The following EPB41L5 variants were observed in gnomAD, a reference collection of about 807,000 sequenced individuals.
The protein encoded by EPB41L5 is erythrocyte membrane protein band 4.1 like 5, also known as band 4.1-like protein 5.
EPB41L5 carries 55 observed loss-of-function variants against 106.6 expected under a neutral mutation model. The observed-to-expected ratio is 0.52, with a 90% confidence interval of 0.42 to 0.65. The LOEUF (loss-of-function observed/expected upper bound fraction) is 0.65. Among genes scored for constraint, EPB41L5 ranks in the 30% least tolerant of loss-of-function variants. The probability of loss-of-function intolerance (pLI) is 0.00; values close to 1 mark genes in which losing one functional copy is unlikely to be tolerated. For synonymous variants in EPB41L5, 297 were observed against 306.7 expected (o/e 0.97, Z 0.33); for missense variants, 871 against 882.1 (o/e 0.99, Z 0.16).
chr2:120,044,070 TTCAAGGTTGCAGTGAGCTGTGA>T (rs1374814346), intron 3 of EPB41L5, among the ~76,000 whole-genome samples: 1 of 151,096 alleles, frequency 6.6e-6, no homozygotes, highest in African/African-American at 2.4e-5. Context: ...AGCCCAGGAG[TTCAAGGTTGCAGTGAGCTGTGA>T]TCATGCCACT....
intron 16 of EPB41L5, among the ~76,000 whole-genome samples, chr2:120,117,534 A>T (rs1278347703): frequency 6.6e-6 from 1 of 152,208 alleles, no homozygotes. Context: ...GCAGAGTATG[A>T]GAGTGCTTCT....
At chr2:120,111,877 A>G (rs546694508) in intron 16 of EPB41L5, among the ~76,000 whole-genome samples, 56 of 152,058 alleles carry the variant, frequency 3.7e-4, no homozygotes, top group African/African-American at 1.3e-3. Context: ...TCTTCTATCA[A>G]TCCTGACCTT....
At chr2:120,057,060 A>G (rs949337222) in intron 3 of EPB41L5, among the ~76,000 whole-genome samples, 5 of 151,870 alleles carry the variant, frequency 3.3e-5, no homozygotes, top group Non-Finnish European at 7.4e-5. Flanking sequence ...CGCCTGGCTA[A>G]TTCTTTATTT....
intron 18 of EPB41L5, among the ~76,000 whole-genome samples, chr2:120,132,154 G>A (rs753864435): frequency 6.6e-6 from 1 of 151,898 alleles, no homozygotes; most frequent in Non-Finnish European, 1.5e-5. Context: ...TTTTTTTGTT[G>A]TAGGGTGGGG....
Position 120,064,987 on chromosome 2 carries a change from T to C in EPB41L5, c.286-8191T>C, listed in dbSNP as rs867927955. Among the ~76,000 whole-genome samples the C allele has an allele frequency of 2.6e-5, 4 of 152,348 alleles. No homozygotes were observed. The South Asian group carries it at 8.3e-4, about 32-fold the overall frequency. On this transcript the variant is annotated intron_variant, in intron 3 of 24. Transcript: ENST00000263713. ...TCACTTTAACATGTGTTTGATGCTT[T>C]ATCTGAGTTTTGGGTCATCTTAAGG... is the stretch of plus-strand genomic sequence containing the variant.
At chr2:120,154,653 G>T (rs978821025) in intron 20 of EPB41L5, among the ~76,000 whole-genome samples, 1 of 151,924 alleles carries the variant, frequency 6.6e-6, no homozygotes, top group Admixed American at 6.6e-5. Flanking sequence ...TGGGCCAGGC[G>T]TGGTGGCTCA....
chr2:120,117,184 CAA>C (rs1340543198), intron 16 of EPB41L5, among the ~76,000 whole-genome samples: 1 of 152,174 alleles, frequency 6.6e-6, no homozygotes, highest in Non-Finnish European at 1.5e-5. Context: ...CTCTAACTCC[CAA>C]GTGAGTTGCC....
intron 2 of EPB41L5, among the ~76,000 whole-genome samples, chr2:120,037,344 C>G (rs934557843): frequency 2.0e-5 from 3 of 152,056 alleles, no homozygotes; most frequent in African/African-American, 7.2e-5. Context: ...CCAAAGTGAT[C>G]CATAGATTAA....
chr2:120,149,417 T>C (rs6542569), intron 20 of EPB41L5, among the ~76,000 whole-genome samples: 151,814 of 152,330 alleles, frequency 1, 75,651 homozygotes, highest in Middle Eastern at 1. Context: ...CCTGAGGAAG[T>C]ACTTTTCTAC....
At chr2:120,161,912 A>G (rs4849834) in intron 21 of EPB41L5, among the ~76,000 whole-genome samples, 96,769 of 151,970 alleles carry the variant, frequency 0.64, 32,152 homozygotes, top group Middle Eastern at 0.74. Context: ...CCCCACCCCC[A>G]AACCTGGTCC....
At chr2:120,155,171 T>A (rs1490557359) in intron 20 of EPB41L5, among the ~76,000 whole-genome samples, 1 of 152,188 alleles carries the variant, frequency 6.6e-6, no homozygotes, top group Non-Finnish European at 1.5e-5. Context: ...CCCTTTAGCA[T>A]TTTATGTAAG....
At chr2:120,052,538 A>G (rs1317886067) in intron 3 of EPB41L5, among the ~76,000 whole-genome samples, 2 of 152,218 alleles carry the variant, frequency 1.3e-5, no homozygotes, top group Non-Finnish European at 2.9e-5. Flanking sequence ...TTATTTATGA[A>G]CTAATAGATT....
At chr2:120,138,651 A>C (rs1430435644) in intron 18 of EPB41L5, among the ~76,000 whole-genome samples, 3 of 152,066 alleles carry the variant, frequency 2.0e-5, no homozygotes, top group Admixed American at 2.0e-4. Flanking sequence ...TTCTGCAATG[A>C]AAACTACAAA....
intron 3 of EPB41L5, among the ~76,000 whole-genome samples, chr2:120,052,643 C>A (rs1396544617): frequency 6.6e-6 from 1 of 152,138 alleles, no homozygotes; most frequent in African/African-American, 2.4e-5. Flanking sequence ...TTCAAGATGG[C>A]TTCTATGTTC....
At chr2:120,088,788 T>C (rs1683230764) in intron 11 of EPB41L5, among the ~76,000 whole-genome samples, 1 of 152,144 alleles carries the variant, frequency 6.6e-6, no homozygotes, top group African/African-American at 2.4e-5. Flanking sequence ...TCTTGTGGAG[T>C]AGAATGTGGT....
intron 20 of EPB41L5, among the ~76,000 whole-genome samples, chr2:120,156,490 GT>G (rs1361583609): frequency 6.6e-6 from 1 of 152,158 alleles, no homozygotes; most frequent in African/African-American, 2.4e-5. Context: ...GTGCACCTAT[GT>G]CCATGCACCC....
chr2:120,016,818 C>T (rs918155582), intron 1 of EPB41L5, among the ~76,000 whole-genome samples: 1 of 151,862 alleles, frequency 6.6e-6, no homozygotes, highest in South Asian at 2.1e-4. Flanking sequence ...CAAGTACAGT[C>T]TTAGGCAGCT....
intron 20 of EPB41L5, among the ~76,000 whole-genome samples, chr2:120,150,318 T>C (rs1686615277): frequency 6.6e-6 from 1 of 151,994 alleles, no homozygotes; most frequent in Non-Finnish European, 1.5e-5. Context: ...TTGCTCATTT[T>C]TTATTTTATT....
intron 16 of EPB41L5, among the ~76,000 whole-genome samples, chr2:120,103,637 A>G (rs939811551): frequency 7.2e-5 from 11 of 152,088 alleles, no homozygotes; most frequent in Non-Finnish European, 1.3e-4. Flanking sequence ...TTCCTTTTCC[A>G]TATATGCTTT....
Sources: gnomAD v4.1 joint callset for allele counts (sites outside exome capture counted in the v4.1 genomes callset) on GRCh38, gnomAD v4.1.1 for gene constraint, MANE v1.5 for transcripts, NCBI Gene and HGNC (gene_info 2026-07-23, HGNC 2026-07-21) for gene names.